The following ZFPM1 variants were observed in gnomAD, a reference collection of about 807,000 sequenced individuals.
ZFPM1 encodes zinc finger protein, FOG family member 1.
Under a neutral mutation model 46.3 loss-of-function variants are expected in ZFPM1, and 28 were observed. That is an observed-to-expected ratio of 0.60 (90% CI 0.45 to 0.83). The LOEUF is 0.83. Ranked by LOEUF, ZFPM1 falls within the 40% of genes least tolerant of loss-of-function variation. ZFPM1 has a pLI of 0.00. For missense variants in ZFPM1, 1,878 were observed against 1,432.4 expected (o/e 1.31, Z -5.02); for synonymous variants, 957 against 675.9 (o/e 1.42, Z -6.45).
intron 5 of ZFPM1, 96 bp from the exon 6 acceptor site, chr16:88,527,936 T>C (rs1411047860): frequency 8.0e-7 from 1 of 1,256,594 alleles, no homozygotes; most frequent in East Asian, 2.8e-5. Flanking sequence ...TGAACCCGGG[T>C]GGCCGCTCTC....
At chr16:88,518,525 G>T (rs1012334840) in intron 4 of ZFPM1, among the ~76,000 whole-genome samples, 3 of 151,570 alleles carry the variant, frequency 2.0e-5, no homozygotes, top group African/African-American at 7.3e-5. Context: ...CTGGGTGGAT[G>T]GATAGATGGA....
chr16:88,522,960 C>G (rs1912015482), intron 4 of ZFPM1, among the ~76,000 whole-genome samples: 1 of 152,104 alleles, frequency 6.6e-6, no homozygotes, highest in Non-Finnish European at 1.5e-5. Context: ...AATCCCAGCA[C>G]TTTGGGAGGC....
chr16:88,478,354 G>T (rs1205763391), intron 1 of ZFPM1, among the ~76,000 whole-genome samples: 1 of 152,258 alleles, frequency 6.6e-6, no homozygotes, highest in African/African-American at 2.4e-5. Context: ...AGGAGCTGCG[G>T]GTGGGCCAGG....
rs114066800 is a variant in ZFPM1 at position 88,463,771 on chromosome 16, G to A, written c.40+10093G>A. Among the ~76,000 whole-genome samples, 829 of 152,338 alleles carry A rather than the reference G, an allele frequency of 5.4e-3. 7 individuals carry two copies. The highest frequency in any genetic ancestry group is 0.018 in the African/African-American group (767 of 41,578). ...GCTCCCGCTGGGCCAGGGGACGCCC[G>A]TCTTCAGGCTGAGGAAACTGAGGCC... is the stretch of plus-strand genomic sequence containing the variant. On this transcript the variant is annotated intron_variant, in intron 1 of 9. Transcript: ENST00000319555.
chr16:88,464,239 G>A (rs545418856), intron 1 of ZFPM1, among the ~76,000 whole-genome samples: 1 of 152,316 alleles, frequency 6.6e-6, no homozygotes, highest in Non-Finnish European at 1.5e-5. Flanking sequence ...AGGGGCCGAG[G>A]CATGTGAGCC....
chr16:88,476,268 C>G (rs1366970808), intron 1 of ZFPM1, among the ~76,000 whole-genome samples: 1 of 152,196 alleles, frequency 6.6e-6, no homozygotes, highest in Non-Finnish European at 1.5e-5. Flanking sequence ...CCCAGGATGA[C>G]CTAGCCACAC....
intron 3 of ZFPM1, among the ~76,000 whole-genome samples, chr16:88,495,641 G>A (rs970927263): frequency 6.6e-6 from 1 of 152,154 alleles, no homozygotes; most frequent in African/African-American, 2.4e-5. Context: ...TGCCAAGGGT[G>A]CCATGCTAGG....
chr16:88,490,847 G>T (rs1167399518), intron 3 of ZFPM1, among the ~76,000 whole-genome samples: 1 of 152,184 alleles, frequency 6.6e-6, no homozygotes, highest in African/African-American at 2.4e-5. Flanking sequence ...GGGGGACCGG[G>T]CATCCAGCAC....
rs997525656 is a variant in ZFPM1 at position 88,478,607 on chromosome 16, G to A, written c.41-7332G>A. ...ACACATGCCCCCTCCCAGTCCAGCC[G>A]GTGAACCAGTGTGACCTACAAATAA... On this transcript the variant is annotated intron_variant, in intron 1 of 9. Coordinates refer to ENST00000319555, the MANE Select transcript of ZFPM1 (RefSeq NM_153813.3). Among the ~76,000 whole-genome samples, 17 of 152,374 alleles carry A rather than the reference G, an allele frequency of 1.1e-4. 1 individual carries two copies. The highest frequency in any genetic ancestry group is 7.8e-4 in the Admixed American group (12 of 15,310).
chr16:88,522,267 C>G, intron 4 of ZFPM1: 1 of 152,450 alleles, frequency 6.6e-6, no homozygotes, highest in Non-Finnish European at 1.5e-5. Flanking sequence ...TCGAGGGAGA[C>G]AGAGGCACTG....
At position 88,534,818 on chromosome 16, in the gene ZFPM1, G is replaced by A. The variant is rs1261515866; in HGVS notation, c.2860G>A (p.Asp954Asn). 3 of 1,527,764 alleles carry A rather than the reference G, an allele frequency of 2.0e-6. No individual in the cohort carries two copies. Among genetic ancestry groups the A allele is most frequent in the Non-Finnish European group, 2.6e-6 (3 of 1,143,614 alleles). The allele number at this position is 1,527,764 out of a possible 1,614,324, so 94.6% of individuals were successfully genotyped here. The change falls in exon 10 of 10, where the codon GAC becomes AAC. Residue 954 changes from aspartate to asparagine, a missense_variant. Transcript: ENST00000319555. ...CCCGCCGGCGCCCCCCTCCTACTCGGACAAGGGCGTCCAGACTCCCAGCAA... is the reference window on the plus strand; with the variant it reads ...CCCGCCGGCGCCCCCCTCCTACTCGAACAAGGGCGTCCAGACTCCCAGCAA... The part of the protein sequence containing the change: ...PPPPAPPSYS[D>N]KGVQTPSKGT...
intron 1 of ZFPM1, among the ~76,000 whole-genome samples, chr16:88,455,132 GGTGT>G (rs4047261): frequency 0.042 from 5,968 of 141,576 alleles, 123 homozygotes; most frequent in Admixed American, 0.081. Context: ...TCGGTTCTGG[GGTGT>G]GTGTGTGTGT....
intron 1 of ZFPM1, among the ~76,000 whole-genome samples, chr16:88,481,913 C>G (rs988214803): frequency 6.6e-6 from 1 of 152,248 alleles, no homozygotes; most frequent in African/African-American, 2.4e-5. Flanking sequence ...GTTCACTGAG[C>G]ACCTGCCCTG....
chr16:88,506,222 G>GA (rs1567543507), intron 3 of ZFPM1, among the ~76,000 whole-genome samples: 1 of 108,168 alleles, frequency 9.2e-6, no homozygotes, highest in Non-Finnish European at 1.8e-5. Flanking sequence ...CCAGGGGCAG[G>GA]GGCAGGGAGA....
chr16:88,470,832 T>G (rs1597232993), intron 1 of ZFPM1, among the ~76,000 whole-genome samples: 1 of 139,628 alleles, frequency 7.2e-6, no homozygotes, highest in African/African-American at 2.7e-5. Context: ...TGTGGCACGG[T>G]GTGGAGGGCC....
At chr16:88,525,808 G>C (rs1218957152) in intron 4 of ZFPM1, among the ~76,000 whole-genome samples, 1 of 152,242 alleles carries the variant, frequency 6.6e-6, no homozygotes, top group Non-Finnish European at 1.5e-5. Context: ...GACTGCACTG[G>C]GATGGGGCCC....
chr16:88,511,546 G>A lies in ZFPM1; in HGVS notation c.269-2841G>A, dbSNP rs374060369. 9.6e-4 allele frequency among the ~76,000 whole-genome samples: 146 copies of A among 152,214 alleles called. 1 individual carries two copies. The South Asian group carries it at 0.025, about 26-fold the overall frequency. ...CTCCAGGCCCCTCACCCTCACTCAC[G>A]GACACTTCCATCCATTCTCAGCCTT... On this transcript the variant is annotated intron_variant, in intron 3 of 9. Coordinates refer to ENST00000319555, the MANE Select transcript of ZFPM1 (RefSeq NM_153813.3).
At chr16:88,531,378 T>G (rs1052533768) in intron 6 of ZFPM1, among the ~76,000 whole-genome samples, 1 of 152,098 alleles carries the variant, frequency 6.6e-6, no homozygotes, top group Non-Finnish European at 1.5e-5. Flanking sequence ...AGCAGCCCAT[T>G]TGGGGTCAGT....
At chr16:88,458,379 T>C (rs1907650543) in intron 1 of ZFPM1, among the ~76,000 whole-genome samples, 1 of 152,186 alleles carries the variant, frequency 6.6e-6, no homozygotes. Flanking sequence ...GGGCCTTCCT[T>C]GGGCCTGGGA....
Sources: gnomAD v4.1 joint callset for allele counts (sites outside exome capture counted in the v4.1 genomes callset) on GRCh38, gnomAD v4.1.1 for gene constraint, MANE v1.5 for transcripts, NCBI Gene and HGNC (gene_info 2026-07-23, HGNC 2026-07-21) for gene names.